Variants in GSK3B observed in about 807,000 individuals in gnomAD.
GSK3B encodes the protein glycogen synthase kinase 3 beta, also known as glycogen synthase kinase-3 beta.
A neutral mutation model predicts 56.4 loss-of-function variants in GSK3B; 15 were observed. The ratio of observed to expected loss-of-function variants is 0.27; its 90% CI spans 0.18 to 0.41. The LOEUF (loss-of-function observed/expected upper bound fraction) is 0.41, where lower values mean the gene tolerates loss of function less well. Among genes scored for constraint, GSK3B ranks in the 10% least tolerant of loss-of-function variants. The pLI, the probability that GSK3B is intolerant of heterozygous loss-of-function variation, is 1.00. For synonymous variants in GSK3B, 181 were observed against 188.9 expected, an observed-to-expected ratio of 0.96 and a Z score of 0.34; for missense variants, 300 against 513.4, an observed-to-expected ratio of 0.58 and a Z score of 4.02.
intron 1 of GSK3B, among the ~76,000 whole-genome samples, chr3:120,064,864 T>G (rs548910566): frequency 3.3e-5 from 5 of 152,154 alleles, no homozygotes; most frequent in Non-Finnish European, 7.4e-5. Flanking sequence ...TATGGTCAAC[T>G]GATGAGTAAT....
chr3:120,053,606 T>C lies in GSK3B; in HGVS notation c.88+39741A>G, dbSNP rs148497480. 4.8e-3 allele frequency among the ~76,000 whole-genome samples: 736 copies of C among 152,274 alleles called. 3 individuals are homozygous for C. Among genetic ancestry groups the C allele is most frequent in the African/African-American group, 0.017 (702 of 41,552 alleles). ...AAAACTGGCTATTAAAAAGCTACTA[T>C]ATAATTACATTAAACGGCCCCTGAA... is the stretch of plus-strand genomic sequence containing the variant. On this transcript the variant is annotated intron_variant, in intron 1 of 10. Coordinates refer to ENST00000264235, the MANE Select transcript of GSK3B (RefSeq NM_001146156.2).
At chr3:119,978,993 C>T (rs150542506) in intron 2 of GSK3B, among the ~76,000 whole-genome samples, 3,939 of 152,288 alleles carry the variant, frequency 0.026, 175 homozygotes, top group African/African-American at 0.089. Flanking sequence ...GGCTTCTTCT[C>T]ACCAGTCCAC....
chr3:119,937,972 A>C (rs781276816), intron 3 of GSK3B, among the ~76,000 whole-genome samples: 1 of 150,776 alleles, frequency 6.6e-6, no homozygotes, highest in Non-Finnish European at 1.5e-5. Context: ...AAAAAGGATG[A>C]AAACAGCATA....
chr3:120,087,328 T>C (rs1330290307), intron 1 of GSK3B, among the ~76,000 whole-genome samples: 6 of 152,138 alleles, frequency 3.9e-5, no homozygotes, highest in African/African-American at 1.4e-4. Flanking sequence ...GTCAGGATTT[T>C]GAGACCAGCC....
chr3:120,042,057 G>A (rs74632053), intron 1 of GSK3B, among the ~76,000 whole-genome samples: 4,187 of 152,168 alleles, frequency 0.028, 184 homozygotes, highest in African/African-American at 0.092. Context: ...TTAATCACCC[G>A]AGCACTGAAT....
intron 10 of GSK3B, among the ~76,000 whole-genome samples, chr3:119,828,880 CTTG>C (rs1356609727): frequency 6.6e-6 from 1 of 152,320 alleles, no homozygotes; most frequent in Middle Eastern, 3.4e-3. Context: ...TGCTTCTAAT[CTTG>C]TTGTCATGTA....
At chr3:119,919,295 A>C (rs1235620837) in intron 4 of GSK3B, among the ~76,000 whole-genome samples, 1 of 152,180 alleles carries the variant, frequency 6.6e-6, no homozygotes, top group Non-Finnish European at 1.5e-5. Context: ...TGAAGGCAAG[A>C]GTTACTTGCA....
chr3:120,014,758 G>A (rs1250029740), intron 1 of GSK3B, among the ~76,000 whole-genome samples: 2 of 152,180 alleles, frequency 1.3e-5, no homozygotes, highest in Non-Finnish European at 2.9e-5. Flanking sequence ...GATAGGAAGA[G>A]TAAATAAAAG....
At chr3:120,003,367 T>C (rs2057696664) in intron 1 of GSK3B, among the ~76,000 whole-genome samples, 1 of 152,234 alleles carries the variant, frequency 6.6e-6, no homozygotes, top group Non-Finnish European at 1.5e-5. Context: ...TAGTATCTGA[T>C]CTAAAAGAGC....
chr3:119,950,511 G>A (rs924001264), intron 2 of GSK3B, among the ~76,000 whole-genome samples: 4 of 152,150 alleles, frequency 2.6e-5, no homozygotes, highest in Non-Finnish European at 4.4e-5. Context: ...CTATGAAAAT[G>A]CAAGATGTTG....
At chr3:119,933,325 C>T (rs1403784275) in intron 3 of GSK3B, among the ~76,000 whole-genome samples, 1 of 152,116 alleles carries the variant, frequency 6.6e-6, no homozygotes, top group East Asian at 1.9e-4. Context: ...AAAGTCCAAA[C>T]TCATGCAATC....
chr3:120,030,083 AT>A (rs1350517805), intron 1 of GSK3B, among the ~76,000 whole-genome samples: 1 of 152,180 alleles, frequency 6.6e-6, no homozygotes, highest in Non-Finnish European at 1.5e-5. Flanking sequence ...GAAAAAAAAA[AT>A]CACATCCTCC....
chr3:119,869,299 C>T (rs181873771), intron 8 of GSK3B, among the ~76,000 whole-genome samples: 10 of 148,328 alleles, frequency 6.7e-5, no homozygotes, highest in African/African-American at 2.5e-4. Flanking sequence ...TCTAATGATG[C>T]ACTGACATAC....
chr3:120,013,924 C>T (rs1341715391), intron 1 of GSK3B, among the ~76,000 whole-genome samples: 2 of 151,592 alleles, frequency 1.3e-5, no homozygotes, highest in South Asian at 2.1e-4. Flanking sequence ...AATTCCAGCA[C>T]TTTGGGAGGC....
At chr3:119,864,536 G>A (rs1319518122) in intron 8 of GSK3B, among the ~76,000 whole-genome samples, 1 of 152,208 alleles carries the variant, frequency 6.6e-6, no homozygotes, top group Non-Finnish European at 1.5e-5. Context: ...TCGACAGGAA[G>A]AACATACAAC....
intron 1 of GSK3B, among the ~76,000 whole-genome samples, chr3:120,013,616 C>A (rs1443569590): frequency 6.6e-6 from 1 of 152,130 alleles, no homozygotes; most frequent in African/African-American, 2.4e-5. Flanking sequence ...CTAGAGAAAT[C>A]AGCACACCGC....
chr3:119,964,599 G>A (rs2057302652), intron 2 of GSK3B, among the ~76,000 whole-genome samples: 1 of 152,150 alleles, frequency 6.6e-6, no homozygotes, highest in African/African-American at 2.4e-5. Context: ...CTAGGAGACA[G>A]GGGAGGAAGA....
intron 2 of GSK3B, among the ~76,000 whole-genome samples, chr3:120,001,186 T>C (rs2057673412): frequency 6.6e-6 from 1 of 151,968 alleles, no homozygotes; most frequent in African/African-American, 2.4e-5. Context: ...CACCATCCCC[T>C]TGTTGATGAG....
intron 2 of GSK3B, among the ~76,000 whole-genome samples, chr3:119,957,442 A>G (rs2057226405): frequency 1.3e-5 from 2 of 152,240 alleles, no homozygotes; most frequent in South Asian, 4.1e-4. Flanking sequence ...CCTGACAGGT[A>G]ATATGACTAC....
Sources: allele counts gnomAD v4.1 joint callset (sites outside exome capture counted in the v4.1 genomes callset), GRCh38; gene constraint gnomAD v4.1.1; transcripts MANE v1.5; gene names NCBI Gene and HGNC (gene_info 2026-07-23, HGNC 2026-07-21).